The following PCTP variants were observed in gnomAD, a reference collection of about 807,000 sequenced individuals.
PCTP encodes phosphatidylcholine transfer protein, also known as START domain-containing protein 2.
A neutral mutation model predicts 31.0 loss-of-function variants in PCTP; 27 were observed. The ratio of observed to expected loss-of-function variants is 0.87; its 90% CI spans 0.64 to 1.20. PCTP has a LOEUF of 1.20. PCTP is among the 50% of genes most tolerant of loss of function. The pLI, the probability that PCTP is intolerant of heterozygous loss-of-function variation, is 0.00. For missense variants in PCTP, 287 were observed against 268.2 expected, an observed-to-expected ratio of 1.07 and a Z score of -0.49; for synonymous variants, 108 against 101.2, an observed-to-expected ratio of 1.07 and a Z score of -0.40.
intron 3 of PCTP, among the ~76,000 whole-genome samples, chr17:55,819,042 A>C (rs1452373429): frequency 4.0e-5 from 6 of 149,610 alleles, no homozygotes; most frequent in African/African-American, 1.5e-4. Context: ...AAAAAAGAAA[A>C]GGAAAGAAGA....
chr17:55,825,788 C>A (rs566537643), downstream of PCTP, among the ~76,000 whole-genome samples: 2 of 152,338 alleles, frequency 1.3e-5, no homozygotes, highest in South Asian at 4.1e-4. Context: ...GCATCTGCCT[C>A]CAAACCCTGT....
intron 3 of PCTP, among the ~76,000 whole-genome samples, chr17:55,798,422 T>C (rs1019505486): frequency 6.6e-6 from 1 of 151,446 alleles, no homozygotes; most frequent in South Asian, 2.1e-4. Flanking sequence ...ATAAAGAAAC[T>C]CATATTTAAA....
At chr17:55,831,997 C>T (rs1433371361) in intron 5 of PCTP, among the ~76,000 whole-genome samples, 4 of 152,106 alleles carry the variant, frequency 2.6e-5, no homozygotes, top group East Asian at 3.9e-4. Flanking sequence ...ATGGCATGAA[C>T]CCGGGAGGCA....
intron 1 of PCTP, among the ~76,000 whole-genome samples, chr17:55,766,242 G>A (rs771810277): frequency 1.2e-4 from 18 of 151,360 alleles, no homozygotes; most frequent in Non-Finnish European, 2.1e-4. Flanking sequence ...CATGAACGTC[G>A]TCATCAGCTG....
chr17:55,828,086 A>G (rs1216870892), downstream of PCTP, among the ~76,000 whole-genome samples: 1 of 152,174 alleles, frequency 6.6e-6, no homozygotes, highest in African/African-American at 2.4e-5. Flanking sequence ...GTGGGAAGCA[A>G]AGGAACAGAA....
chr17:55,760,467 T>C (rs1910279119), intron 1 of PCTP, among the ~76,000 whole-genome samples: 1 of 152,232 alleles, frequency 6.6e-6, no homozygotes, highest in Admixed American at 6.5e-5. Context: ...TAGAAACTTA[T>C]TAGACCCATT....
In PCTP at chr17:55,776,885, CT is replaced by C. The variant is rs1439225960; in HGVS notation, c.*786del. The C allele has an allele frequency of 4.0e-6, 4 of 993,646 alleles. No homozygotes were observed. Among genetic ancestry groups the C allele is most frequent in the Non-Finnish European group, 3.6e-6 (3 of 835,904 alleles). 61.6% of individuals were successfully genotyped at this position (993,646 alleles called of 1,614,324 possible). On this transcript the variant is annotated 3_prime_UTR_variant, in exon 6 of 6. Transcript: ENST00000268896. ...TGTACCTCTCAAGCTTTGCATTTTA[CT>C]GGAAACTGAGGCGTCAAGATGGCTG... is the stretch of plus-strand genomic sequence containing the variant.
In PCTP at chr17:55,805,436, C is replaced by A. The variant is rs113793389; in HGVS notation, c.318-17325C>A. ...CCATGTGTACCCATTGTTTACTTCC[C>A]ACTTATAAGTGAGAACATTCAGTAT... is the stretch of plus-strand genomic sequence containing the variant. On this transcript the variant is annotated intron_variant, in intron 3 of 3. Coordinates refer to the PCTP transcript ENST00000572536. 8.9e-3 allele frequency among the ~76,000 whole-genome samples: 1,353 copies of A among 152,080 alleles called. 24 individuals carry two copies. Among genetic ancestry groups the A allele is most frequent in the African/African-American group, 0.031 (1,278 of 41,476 alleles).
downstream of PCTP, among the ~76,000 whole-genome samples, chr17:55,847,059 T>C (rs1240373814): frequency 6.6e-6 from 1 of 152,216 alleles, no homozygotes; most frequent in Non-Finnish European, 1.5e-5. Context: ...TCAAAGCACA[T>C]TTATTGAATG....
At chr17:55,756,163 A>G (rs1170188902) in intron 1 of PCTP, among the ~76,000 whole-genome samples, 1 of 152,222 alleles carries the variant, frequency 6.6e-6, no homozygotes, top group Non-Finnish European at 1.5e-5. Flanking sequence ...CTGTCTTCAT[A>G]GACCCTGGGG....
At position 55,774,949 on chromosome 17, in the gene PCTP, GAC is replaced by G. The variant is rs1353429537; in HGVS notation, c.579+94_579+95del. 3.6e-6 allele frequency: 5 copies of G among 1,375,260 alleles called. No homozygotes were observed. In the African/African-American group the frequency reaches 7.1e-5, roughly 20 times the overall value. The allele number at this position is 1,375,260 out of a possible 1,614,324, so 85.2% of individuals were successfully genotyped here. A position where few individuals can be genotyped will look rare whatever the true frequency, so the allele number is the denominator to read the frequency against. Reference sequence around the variant, plus strand: ...GCCCGCGGGGCTGTCAGGCTGAAGAGACACATTGTCTCAGGCGTAATGAGGCT... The same window carrying G: ...GCCCGCGGGGCTGTCAGGCTGAAGAGACATTGTCTCAGGCGTAATGAGGCT... On this transcript the variant is annotated intron_variant, in intron 5 of 5. Coordinates refer to ENST00000268896, the MANE Select transcript of PCTP (RefSeq NM_021213.4).
chr17:55,799,211 A>G (rs1912286754), intron 3 of PCTP, among the ~76,000 whole-genome samples: 1 of 152,046 alleles, frequency 6.6e-6, no homozygotes, highest in South Asian at 2.1e-4. Context: ...TCAAACAGAC[A>G]AAGATTTTTA....
In PCTP at chr17:55,792,138, A is replaced by T. The variant is rs1002904860; in HGVS notation, c.317+4484A>T. Among the ~76,000 whole-genome samples the T allele has an allele frequency of 2.6e-4, 32 of 124,022 alleles. No individual in the cohort carries two copies. The East Asian group carries it at 5.1e-3, about 20-fold the overall frequency. 81.4% of individuals were successfully genotyped at this position (124,022 alleles called of 152,430 possible). A position where few individuals can be genotyped will look rare whatever the true frequency, so the allele number is the denominator to read the frequency against. On this transcript the variant is annotated intron_variant, in intron 3 of 3. Transcript: ENST00000572536. ...ACATGGACACAGGAAGGGGAACCTC[A>T]CACTCTGGGGACTGTTGTGGGGTGG... is the stretch of plus-strand genomic sequence containing the variant.
chr17:55,751,377 G>C, intron 1 of PCTP, 133 bp downstream of exon 1: 1 of 1,531,806 alleles, frequency 6.5e-7, no homozygotes, highest in South Asian at 1.2e-5. Flanking sequence ...AGCTCCGCCC[G>C]GACCCTGTCT....
chr17:55,780,771 G>A (rs1253939436), downstream of PCTP, among the ~76,000 whole-genome samples: 1 of 152,072 alleles, frequency 6.6e-6, no homozygotes, highest in African/African-American at 2.4e-5. Context: ...ATGTAATTCT[G>A]GCCAATATCA....
chr17:55,843,627 T>C (rs953271034), downstream of PCTP, among the ~76,000 whole-genome samples: 3 of 152,220 alleles, frequency 2.0e-5, no homozygotes, highest in African/African-American at 7.2e-5. Context: ...TCAGACTGAA[T>C]AGGGATCTGA....
chr17:55,781,160 G>A (rs1341767088), downstream of PCTP, among the ~76,000 whole-genome samples: 1 of 152,226 alleles, frequency 6.6e-6, no homozygotes, highest in Non-Finnish European at 1.5e-5. Context: ...CAAACAATAA[G>A]TGATCTGCAA....
At chr17:55,797,101 A>G (rs957044574) in intron 3 of PCTP, among the ~76,000 whole-genome samples, 1 of 151,968 alleles carries the variant, frequency 6.6e-6, no homozygotes, top group African/African-American at 2.4e-5. Context: ...CCAATTTGAG[A>G]AAAACGTAAA....
intron 3 of PCTP, among the ~76,000 whole-genome samples, chr17:55,813,267 G>GTTAT (rs1292186419): frequency 6.6e-6 from 1 of 151,966 alleles, no homozygotes; most frequent in African/African-American, 2.4e-5. Context: ...AAAGAAGTAC[G>GTTAT]TTATTTATTT....
Sources: gnomAD v4.1 joint callset for allele counts (sites outside exome capture counted in the v4.1 genomes callset) on GRCh38, gnomAD v4.1.1 for gene constraint, MANE v1.5 for transcripts, NCBI Gene and HGNC (gene_info 2026-07-23, HGNC 2026-07-21) for gene names.